ERLEC1: variants seen among roughly 807,000 people sequenced by gnomAD.
The protein encoded by ERLEC1 is ER lectin.
A neutral mutation model predicts 68.0 loss-of-function variants in ERLEC1; 47 were observed. That is an observed-to-expected ratio of 0.69 (90% CI 0.55 to 0.88). ERLEC1 has a LOEUF of 0.88. Ranked by LOEUF, ERLEC1 falls within the 40% of genes least tolerant of loss-of-function variation. ERLEC1 has a pLI of 0.00. For missense variants in ERLEC1, 567 were observed against 583.8 expected (o/e 0.97, Z 0.30); for synonymous variants, 225 against 203.2 (o/e 1.11, Z -0.91).
At chr2:53,799,878 C>T (rs1458035227) in intron 6 of ERLEC1, among the ~76,000 whole-genome samples, 2 of 151,834 alleles carry the variant, frequency 1.3e-5, no homozygotes, top group Admixed American at 6.6e-5. Context: ...TTATAGACTA[C>T]CTTTGAGATT....
chr2:53,803,448 A>G (rs931142184), intron 8 of ERLEC1, among the ~76,000 whole-genome samples: 2 of 152,218 alleles, frequency 1.3e-5, no homozygotes, highest in Admixed American at 6.5e-5. Flanking sequence ...CAAGGAAAAG[A>G]TGCCAGTTTA....
At chr2:53,792,542 A>T (rs1354275737) in intron 1 of ERLEC1, among the ~76,000 whole-genome samples, 1 of 152,238 alleles carries the variant, frequency 6.6e-6, no homozygotes, top group African/African-American at 2.4e-5. Context: ...AATGAGCATC[A>T]TACTTGTTTT....
intron 9 of ERLEC1, among the ~76,000 whole-genome samples, chr2:53,808,983 G>A (rs1676447272): frequency 6.6e-6 from 1 of 152,114 alleles, no homozygotes; most frequent in African/African-American, 2.4e-5. Context: ...GTACTAGTGG[G>A]AAATACAGTT....
Position 53,791,029 on chromosome 2 carries a change from A to G in ERLEC1, c.163-3316A>G, listed in dbSNP as rs1419571323. Among the ~76,000 whole-genome samples, 3 of 152,332 alleles carry G rather than the reference A, an allele frequency of 2.0e-5. No individual in the cohort carries two copies. The East Asian group carries it at 5.8e-4, about 29-fold the overall frequency. ...ATATTTTACTCAGATTTTCCCAAGC[A>G]CTACTATTTGACCAACTCCATGGTT... On this transcript the variant is annotated intron_variant, in intron 1 of 13. Transcript: ENST00000185150.
intron 8 of ERLEC1, among the ~76,000 whole-genome samples, chr2:53,802,865 G>C (rs1676077760): frequency 1.3e-5 from 2 of 152,116 alleles, no homozygotes; most frequent in African/African-American, 4.8e-5. Flanking sequence ...TCAAAGTGCT[G>C]GGATTACAAG....
chr2:53,799,506 C>T (rs1249774046), intron 6 of ERLEC1, among the ~76,000 whole-genome samples: 2 of 152,020 alleles, frequency 1.3e-5, no homozygotes, highest in African/African-American at 4.8e-5. Context: ...ATCTCTTTAC[C>T]CCACAGTACA....
chr2:53,790,061 C>T (rs1245576476), intron 1 of ERLEC1, among the ~76,000 whole-genome samples: 2 of 151,798 alleles, frequency 1.3e-5, no homozygotes, highest in African/African-American at 2.4e-5. Flanking sequence ...ACTCTCCTCA[C>T]CTGGCGCTGC....
chr2:53,798,356 G>A (rs374786284), intron 5 of ERLEC1, among the ~76,000 whole-genome samples: 1 of 151,668 alleles, frequency 6.6e-6, no homozygotes, highest in African/African-American at 2.4e-5. Context: ...TGACCTCCTG[G>A]GCTCAAGTGA....
intron 8 of ERLEC1, among the ~76,000 whole-genome samples, chr2:53,804,568 G>T (rs767955258): frequency 2.0e-5 from 3 of 152,078 alleles, no homozygotes; most frequent in Non-Finnish European, 4.4e-5. Flanking sequence ...GAGCCACCAC[G>T]TGTGGCCGGG....
At chr2:53,814,772 C>T in intron 12 of ERLEC1, 88 bp from the exon 13 acceptor site, 1 of 1,102,282 alleles carries the variant, frequency 9.1e-7, no homozygotes, top group Non-Finnish European at 1.4e-6. Flanking sequence ...ACAGGGTCCA[C>T]TTGAGTGGGA....
At chr2:53,810,455 G>A (rs1397604992) in intron 10 of ERLEC1, among the ~76,000 whole-genome samples, 1 of 152,106 alleles carries the variant, frequency 6.6e-6, no homozygotes, top group Non-Finnish European at 1.5e-5. Context: ...TAAATTCTGA[G>A]GTTCAAGTTC....
intron 1 of ERLEC1, chr2:53,788,578 T>C (rs913597966): frequency 5.9e-5 from 9 of 151,980 alleles, no homozygotes; most frequent in South Asian, 2.1e-4. Flanking sequence ...TTTTTTTTTT[T>C]CTAGAGGCAG....
At chr2:53,792,545 C>T (rs1675467356) in intron 1 of ERLEC1, among the ~76,000 whole-genome samples, 1 of 152,162 alleles carries the variant, frequency 6.6e-6, no homozygotes, top group Non-Finnish European at 1.5e-5. Flanking sequence ...GAGCATCATA[C>T]TTGTTTTGAG....
chr2:53,797,921 G>A (rs1675802506), intron 5 of ERLEC1, 126 bp downstream of exon 5: 3 of 864,476 alleles, frequency 3.5e-6, no homozygotes, highest in Admixed American at 2.0e-5. Flanking sequence ...AATAGGCTGG[G>A]CGCGGTGGCT....
chr2:53,791,905 TTAAAAA>T (rs1675413146), intron 1 of ERLEC1, among the ~76,000 whole-genome samples: 1 of 123,368 alleles, frequency 8.1e-6, no homozygotes, highest in Non-Finnish European at 1.7e-5. Context: ...TAATGCTCTT[TTAAAAA>T]AAAAAAAAAA....
chr2:53,814,993 T>TTA, intron 13 of ERLEC1, 58 bp downstream of exon 13: 257 of 985,296 alleles, frequency 2.6e-4, no homozygotes, highest in Non-Finnish European at 3.5e-4. Flanking sequence ...TAATTTTTTT[T>TTA]TCTTTTTTTT....
In ERLEC1 at chr2:53,796,301, A is replaced by G. The variant is rs558138484; in HGVS notation, c.348+288A>G. ...TCCCTCCTCCCATTCTTTACCTTCAAGAAGGCCCTAAGTCTGTTATTCCCC... is the reference window on the plus strand; with the variant it reads ...TCCCTCCTCCCATTCTTTACCTTCAGGAAGGCCCTAAGTCTGTTATTCCCC... On this transcript the variant is annotated intron_variant, in intron 3 of 13. Coordinates refer to ENST00000185150, the MANE Select transcript of ERLEC1 (RefSeq NM_015701.5). 3.3e-5 allele frequency among the ~76,000 whole-genome samples: 5 copies of G among 149,962 alleles called. No individual in the cohort carries two copies. The East Asian group carries it at 7.8e-4, about 23-fold the overall frequency.
chr2:53,800,073 C>T (rs1156236545), intron 6 of ERLEC1, among the ~76,000 whole-genome samples: 1 of 152,064 alleles, frequency 6.6e-6, no homozygotes, highest in East Asian at 1.9e-4. Flanking sequence ...CCTTTTAATA[C>T]ACAGTCATGA....
chr2:53,806,091 T>C (rs1190484231), intron 8 of ERLEC1, among the ~76,000 whole-genome samples: 1 of 152,224 alleles, frequency 6.6e-6, no homozygotes, highest in Non-Finnish European at 1.5e-5. Context: ...GGGTCAGCCT[T>C]TCCCATACAG....
Sources: gnomAD v4.1 joint callset for allele counts (sites outside exome capture counted in the v4.1 genomes callset) on GRCh38, gnomAD v4.1.1 for gene constraint, MANE v1.5 for transcripts, NCBI Gene and HGNC (gene_info 2026-07-23, HGNC 2026-07-21) for gene names.